Variants in UMPS observed in about 807,000 individuals in gnomAD.
The protein encoded by UMPS is uridine 5'-monophosphate synthase.
Under a neutral mutation model 38.9 loss-of-function variants are expected in UMPS, and 21 were observed. The ratio of observed to expected loss-of-function variants is 0.54; its 90% CI spans 0.38 to 0.78. UMPS has a LOEUF of 0.78. Ranked by LOEUF, UMPS falls within the 30% of genes least tolerant of loss-of-function variation. UMPS has a pLI of 0.00. For synonymous variants in UMPS, 208 were observed against 219.3 expected, an observed-to-expected ratio of 0.95 and a Z score of 0.45; for missense variants, 533 against 591.6, an observed-to-expected ratio of 0.90 and a Z score of 1.03.
intron 3 of UMPS, among the ~76,000 whole-genome samples, chr3:124,739,224 T>G (rs17843829): frequency 1.3e-5 from 2 of 152,226 alleles, no homozygotes; most frequent in African/African-American, 4.8e-5. Flanking sequence ...CTATTGAAAT[T>G]AGATAGCTAA....
chr3:124,739,334 T>C (rs1241145448), intron 3 of UMPS, among the ~76,000 whole-genome samples: 2 of 152,162 alleles, frequency 1.3e-5, no homozygotes, highest in South Asian at 2.1e-4. Flanking sequence ...ATTTTATTTT[T>C]ATTATTATTT....
Position 124,746,799 on chromosome 3 carries a change from ATGCGCGCGCG to A in UMPS, c.*2721_*2730del, listed in dbSNP as rs2063604177. 3.4e-6 allele frequency: 1 copy of A among 291,892 alleles called. No homozygotes were observed. Among genetic ancestry groups the A allele is most frequent in the African/African-American group, 3.5e-5 (1 of 28,314 alleles). 18.1% of individuals were successfully genotyped at this position (291,892 alleles called of 1,614,324 possible). On this transcript the variant is annotated 3_prime_UTR_variant, in exon 6 of 6. Transcript: ENST00000232607. ...TGTGTGTGTGTGTGTGTGTGTGTGC[ATGCGCGCGCG>A]TGCGCACTGGAGGAACCTAAGAAAC...
rs58981387 is a variant in UMPS, at chr3:124,746,755, TTGTGTGTGTGTGTGTGTGTG to T, written c.*2694_*2713del. On this transcript the variant is annotated 3_prime_UTR_variant, in exon 6 of 6. Transcript: ENST00000232607. ...ATTCTGTAGAACATAAGCCCATAGA[TTGTGTGTGTGTGTGTGTGTG>T]TGTGTGTGTGTGTGTGTGTGTGCAT... 9.0e-3 allele frequency: 3,795 copies of T among 420,674 alleles called. 129 individuals are homozygous for T. Among genetic ancestry groups the T allele is most frequent in the African/African-American group, 0.073 (3,457 of 47,344 alleles). The allele number at this position is 420,674 out of a possible 1,614,324, so 26.1% of individuals were successfully genotyped here. A position where few individuals can be genotyped will look rare whatever the true frequency, so the allele number is the denominator to read the frequency against.
Position 124,747,342 on chromosome 3 carries a change from A to C in UMPS, c.*3258A>C, listed in dbSNP as rs886057890. The C allele has an allele frequency of 6.6e-6, 3 of 455,070 alleles. No homozygotes were observed. The highest frequency in any genetic ancestry group is 1.3e-5 in the Non-Finnish European group (3 of 226,820). The allele number at this position is 455,070 out of a possible 1,614,324, so 28.2% of individuals were successfully genotyped here. A position where few individuals can be genotyped will look rare whatever the true frequency, so the allele number is the denominator to read the frequency against. The stretch of plus-strand genomic sequence containing the variant: ...GGGGTGCAGCCACAGGAGAGCCAAC[A>C]GCAGAGGGTGCTGGCCGCTGAGCTA... On this transcript the variant is annotated 3_prime_UTR_variant, in exon 6 of 6. Coordinates refer to ENST00000232607, the MANE Select transcript of UMPS (RefSeq NM_000373.4).
Position 124,745,043 on chromosome 3 carries a change from C to G in UMPS, c.*959C>G. 1 of 454,116 alleles carries G rather than the reference C, an allele frequency of 2.2e-6. No homozygotes were observed. The highest frequency in any genetic ancestry group is 1.6e-5 in the South Asian group (1 of 64,468). The allele number at this position is 454,116 out of a possible 1,614,324, so 28.1% of individuals were successfully genotyped here. ...CAGCAATTATGGACCAGTAGTAACACAAGTGACAGCTTCCTGTGACTGACT... is the reference window on the plus strand; with the variant it reads ...CAGCAATTATGGACCAGTAGTAACAGAAGTGACAGCTTCCTGTGACTGACT... On this transcript the variant is annotated 3_prime_UTR_variant, in exon 6 of 6. Coordinates refer to ENST00000232607, the MANE Select transcript of UMPS (RefSeq NM_000373.4).
intron 4 of UMPS, among the ~76,000 whole-genome samples, chr3:124,741,189 A>G (rs137963110): frequency 1.6e-3 from 243 of 152,250 alleles, no homozygotes; most frequent in African/African-American, 5.7e-3. Flanking sequence ...GTCAGTTTTA[A>G]TATTTGGCAT....
chr3:124,736,407 T>TA (rs200359399), intron 2 of UMPS, among the ~76,000 whole-genome samples: 8 of 147,800 alleles, frequency 5.4e-5, no homozygotes, highest in Non-Finnish European at 1.1e-4. Context: ...TTTTTATGAT[T>TA]AAAAAAAAGA....
chr3:124,738,182 A>C lies in UMPS; in HGVS notation c.925A>C (p.Ile309Leu), dbSNP rs1485382477. 4.3e-6 allele frequency: 7 copies of C among 1,614,090 alleles called. No homozygotes were observed. In the Admixed American group the frequency reaches 1.2e-4, roughly 27 times the overall value. ...ITLAKCHEFL[I>L]FEDRKFADIG... is the part of the protein sequence containing the mutation. ...TCTGGCAAAATGCCATGAGTTCTTG[A>C]TATTTGAAGACCGGAAGTTTGCAGA... The change falls in exon 3 of 6, where the codon ATA (isoleucine) becomes CTA (leucine). Residue 309 changes from isoleucine (I) to leucine (L), a missense_variant. Coordinates refer to ENST00000232607, the MANE Select transcript of UMPS (RefSeq NM_000373.4).
At position 124,747,655 on chromosome 3, in the gene UMPS, C is replaced by A; in HGVS notation, c.*3571C>A. On this transcript the variant is annotated 3_prime_UTR_variant, in exon 6 of 6. Coordinates refer to ENST00000232607, the MANE Select transcript of UMPS (RefSeq NM_000373.4). Reference sequence around the variant, plus strand: ...GCTTAGTAGTGCATGCCATGGAGTTCCAGGGTGGTTTATTACACGGCAATA... The same window carrying A: ...GCTTAGTAGTGCATGCCATGGAGTTACAGGGTGGTTTATTACACGGCAATA... 2 of 452,964 alleles carry A rather than the reference C, an allele frequency of 4.4e-6. No individual in the cohort carries two copies. The highest frequency in any genetic ancestry group is 8.9e-6 in the Non-Finnish European group (2 of 225,834). The allele number at this position is 452,964 out of a possible 1,614,324, so 28.1% of individuals were successfully genotyped here. A position where few individuals can be genotyped will look rare whatever the true frequency, so the allele number is the denominator to read the frequency against.
At position 124,740,200 on chromosome 3, in the gene UMPS, G is replaced by A; in HGVS notation, c.1158+1G>A. 6.2e-7 allele frequency: 1 copy of A among 1,608,930 alleles called. No homozygotes were observed. Among genetic ancestry groups the A allele is most frequent in the East Asian group, 2.2e-5 (1 of 44,766 alleles). On this transcript the variant is annotated splice_donor_variant, in intron 4 of 5. Coordinates refer to ENST00000232607, the MANE Select transcript of UMPS (RefSeq NM_000373.4). LOFTEE classifies it high-confidence loss of function. Reference sequence around the variant, plus strand: ...CACTGGGGACTACACTAGAGCAGCGGTAAGTGGTGGGGGGACTGGGTGAGA... The same window carrying A: ...CACTGGGGACTACACTAGAGCAGCGATAAGTGGTGGGGGGACTGGGTGAGA...
rs1419001064 is a variant in UMPS at position 124,737,568 on chromosome 3, G to T, written c.311G>T (p.Gly104Val). The T allele has an allele frequency of 6.2e-7, 1 of 1,613,926 alleles. No homozygotes were observed. Among genetic ancestry groups the T allele is most frequent in the Non-Finnish European group, 8.5e-7 (1 of 1,180,016 alleles). Residue 104 changes from glycine (G) to valine (V), a missense_variant and splice_region_variant, in exon 3 of 6, where the codon GGA becomes GTA. Physicochemically the swap from Gly to Val is moderately radical, Grantham distance 109. Coordinates refer to ENST00000232607, the MANE Select transcript of UMPS (RefSeq NM_000373.4). ...ATCAGCAAAATTTTTTCTTTTCTAG[G>T]AACTAAGCGTCTTGTAGAAGGAACT... ...LIRRKETKDY[G>V]TKRLVEGTIN...
In UMPS at chr3:124,745,199, T is replaced by A. The variant is rs1487022432; in HGVS notation, c.*1115T>A. Reference sequence around the variant, plus strand: ...AAGAGAAAGCCCACATTCAAGGTGGTGTTTGAGCAGGGGCAGGGTGAGGGC... The same window carrying A: ...AAGAGAAAGCCCACATTCAAGGTGGAGTTTGAGCAGGGGCAGGGTGAGGGC... On this transcript the variant is annotated 3_prime_UTR_variant, in exon 6 of 6. Transcript: ENST00000232607. The A allele has an allele frequency of 2.2e-6, 1 of 454,006 alleles. No individual in the cohort carries two copies. 28.1% of individuals were successfully genotyped at this position (454,006 alleles called of 1,614,324 possible).
In UMPS at chr3:124,746,102, C is replaced by T. The variant is rs752221349; in HGVS notation, c.*2018C>T. The T allele has an allele frequency of 1.5e-5, 7 of 454,094 alleles. No individual in the cohort carries two copies. Among genetic ancestry groups the T allele is most frequent in the South Asian group, 1.1e-4 (7 of 64,474 alleles). 28.1% of individuals were successfully genotyped at this position (454,094 alleles called of 1,614,324 possible). A position where few individuals can be genotyped will look rare whatever the true frequency, so the allele number is the denominator to read the frequency against. On this transcript the variant is annotated 3_prime_UTR_variant, in exon 6 of 6. Coordinates refer to ENST00000232607, the MANE Select transcript of UMPS (RefSeq NM_000373.4). ...TGCAGTGAGACAGCCTTGAGGTCTGCCTCCTGCTAAGAGTCACATGCTCCT... is the reference window on the plus strand; with the variant it reads ...TGCAGTGAGACAGCCTTGAGGTCTGTCTCCTGCTAAGAGTCACATGCTCCT...
At position 124,731,554 on chromosome 3, in the gene UMPS, T is replaced by G. The variant is rs776474318; in HGVS notation, c.156+927T>G. 3 of 430,338 alleles carry G rather than the reference T, an allele frequency of 7.0e-6. 1 individual carries two copies. The highest frequency in any genetic ancestry group is 5.1e-5 in the South Asian group (3 of 59,110). The allele number at this position is 430,338 out of a possible 1,614,324, so 26.7% of individuals were successfully genotyped here. A position where few individuals can be genotyped will look rare whatever the true frequency, so the allele number is the denominator to read the frequency against. ...AGGCTGGAGTGCAGCTCTGTGATCA[T>G]AGCTCACTGCAGCCTGGAACTCCTG... On this transcript the variant is annotated intron_variant, in intron 1 of 5. Coordinates refer to ENST00000232607, the MANE Select transcript of UMPS (RefSeq NM_000373.4).
chr3:124,735,959 A>G (rs1438684102), intron 2 of UMPS, among the ~76,000 whole-genome samples: 1 of 151,778 alleles, frequency 6.6e-6, no homozygotes, highest in Non-Finnish European at 1.5e-5. Flanking sequence ...CCTGGGCGAC[A>G]AAGTGAGACC....
rs1340799545 is a variant in UMPS at position 124,746,390 on chromosome 3, A to T, written c.*2306A>T. 1 of 453,968 alleles carries T rather than the reference A, an allele frequency of 2.2e-6. No individual in the cohort carries two copies. The allele number at this position is 453,968 out of a possible 1,614,324, so 28.1% of individuals were successfully genotyped here. On this transcript the variant is annotated 3_prime_UTR_variant, in exon 6 of 6. Coordinates refer to ENST00000232607, the MANE Select transcript of UMPS (RefSeq NM_000373.4). The stretch of plus-strand genomic sequence containing the variant: ...GGGTGCCTCAAGTGATCTGTTTCTG[A>T]TTTGTATTTCTATTGTGAAGAGTCA...
Position 124,747,084 on chromosome 3 carries a change from G to A in UMPS, c.*3000G>A, listed in dbSNP as rs2150904926. ...GTATATCATGGCTCACTGCAACCTTGACTTGGGCTCAAGCGATCCGCTCAA... is the reference window on the plus strand; with the variant it reads ...GTATATCATGGCTCACTGCAACCTTAACTTGGGCTCAAGCGATCCGCTCAA... On this transcript the variant is annotated 3_prime_UTR_variant, in exon 6 of 6. Transcript: ENST00000232607. 2.2e-6 allele frequency: 1 copy of A among 453,566 alleles called. No individual in the cohort carries two copies. Among genetic ancestry groups the A allele is most frequent in the East Asian group, 7.0e-5 (1 of 14,368 alleles). 28.1% of individuals were successfully genotyped at this position (453,566 alleles called of 1,614,324 possible). A position where few individuals can be genotyped will look rare whatever the true frequency, so the allele number is the denominator to read the frequency against.
Position 124,740,211 on chromosome 3 carries a change from G to T in UMPS, c.1158+12G>T. 6.2e-7 allele frequency: 1 copy of T among 1,602,768 alleles called. No homozygotes were observed. The highest frequency in any genetic ancestry group is 2.1e-4 in the Middle Eastern group (1 of 4,848). On this transcript the variant is annotated intron_variant, in intron 4 of 5. Coordinates refer to ENST00000232607, the MANE Select transcript of UMPS (RefSeq NM_000373.4). ...ACACTAGAGCAGCGGTAAGTGGTGG[G>T]GGGACTGGGTGAGAGGGGGCAGGGG... is the stretch of plus-strand genomic sequence containing the variant.
rs61383415 is a variant in UMPS at position 124,732,967 on chromosome 3, GGTGT to G, written c.157-2099_157-2096del. ...AAAAGTTTTTTGATAACTAGATCATGGTGTGTGTGTGTGTGTGTGTGTGTGTGTG... is the reference window on the plus strand; with the variant it reads ...AAAAGTTTTTTGATAACTAGATCATGGTGTGTGTGTGTGTGTGTGTGTGTG... On this transcript the variant is annotated intron_variant, in intron 1 of 5. Coordinates refer to ENST00000232607, the MANE Select transcript of UMPS (RefSeq NM_000373.4). Among the ~76,000 whole-genome samples the G allele has an allele frequency of 7.6e-3, 1,130 of 147,730 alleles. 9 individuals are homozygous for G. The highest frequency in any genetic ancestry group is 0.026 in the African/African-American group (1,020 of 39,652).
Sources: allele counts gnomAD v4.1 joint callset (sites outside exome capture counted in the v4.1 genomes callset), GRCh38; gene constraint gnomAD v4.1.1; transcripts MANE v1.5; gene names NCBI Gene and HGNC (gene_info 2026-07-23, HGNC 2026-07-21).